Variants in SRP54 observed in about 807,000 individuals in gnomAD.
SRP54 encodes the protein signal recognition particle subunit SRP54.
In SRP54, 10 loss-of-function variants were observed where a neutral mutation model predicts 64.8. The ratio of observed to expected loss-of-function variants is 0.15; its 90% CI spans 0.10 to 0.26. SRP54 has a LOEUF of 0.26. Among genes scored for constraint, SRP54 ranks in the 10% least tolerant of loss-of-function variants. The pLI is 1.00. For synonymous variants in SRP54, 193 were observed against 185.6 expected (o/e 1.04, Z -0.32); for missense variants, 325 against 613.7 (o/e 0.53, Z 4.97).
chr14:35,023,478 A>G (rs1191813478), intron 14 of SRP54, among the ~76,000 whole-genome samples: 3 of 152,070 alleles, frequency 2.0e-5, no homozygotes, highest in African/African-American at 7.2e-5. Flanking sequence ...CATGTTGTCA[A>G]ATATTCTTCA....
rs1434226527 is a variant in SRP54 at position 34,996,801 on chromosome 14, T to C, written c.78+14T>C. 2.6e-6 allele frequency: 4 copies of C among 1,549,180 alleles called. No individual in the cohort carries two copies. Among genetic ancestry groups the C allele is most frequent in the Non-Finnish European group, 3.6e-6 (4 of 1,120,854 alleles). On this transcript the variant is annotated intron_variant, in intron 2 of 15. Transcript: ENST00000216774. ...ATCAATGAAGAGGTATGTAAAATAT[T>C]GTATGAAATATATATGATTGTATAT...
intron 14 of SRP54, among the ~76,000 whole-genome samples, chr14:35,023,648 G>T (rs953479041): frequency 2.6e-5 from 4 of 151,868 alleles, no homozygotes; most frequent in African/African-American, 9.7e-5. Context: ...TCCGGGTGTC[G>T]TGGGGTGTAC....
chr14:35,023,459 CTG>C (rs1021705457), intron 14 of SRP54, among the ~76,000 whole-genome samples: 1 of 151,978 alleles, frequency 6.6e-6, no homozygotes. Flanking sequence ...TATATCATAA[CTG>C]TTTTTCCATG....
intron 4 of SRP54, among the ~76,000 whole-genome samples, chr14:35,005,649 T>G (rs1594994102): frequency 6.6e-6 from 1 of 151,722 alleles, no homozygotes; most frequent in Non-Finnish European, 1.5e-5. Flanking sequence ...TCCTCCTTTG[T>G]CCCCCCGCTG....
rs923984473 is a variant in SRP54, at chr14:35,029,276, T to C, written c.*124T>C. The stretch of plus-strand genomic sequence containing the variant: ...TCTTGCTTATCATGCACTCTTTCCT[T>C]TTCTTCTCGCCCGCTTTTCCCCTCC... On this transcript the variant is annotated 3_prime_UTR_variant, in exon 16 of 16. Transcript: ENST00000216774. The C allele has an allele frequency of 3.0e-5, 18 of 604,702 alleles. No homozygotes were observed. Among genetic ancestry groups the C allele is most frequent in the Non-Finnish European group, 4.7e-5 (17 of 364,012 alleles). 37.5% of individuals were successfully genotyped at this position (604,702 alleles called of 1,614,324 possible).
Position 35,008,718 on chromosome 14 carries a change from G to A in SRP54, c.427+25G>A, listed in dbSNP as rs560746894. 2.5e-6 allele frequency: 4 copies of A among 1,604,186 alleles called. No individual in the cohort carries two copies. The East Asian group carries it at 8.9e-5, about 36-fold the overall frequency. ...GGTAATGTCTTGAAATTTGAAAATT[G>A]TTTTATATAATTTTTATTTTCAAGT... On this transcript the variant is annotated intron_variant, in intron 6 of 15. Coordinates refer to ENST00000216774, the MANE Select transcript of SRP54 (RefSeq NM_003136.4).
At chr14:34,983,671 A>G (rs777553724) in intron 1 of SRP54, among the ~76,000 whole-genome samples, 25 of 152,318 alleles carry the variant, frequency 1.6e-4, no homozygotes, top group Middle Eastern at 3.4e-3. Flanking sequence ...TCTCTGTACC[A>G]TTTGACGCTG....
At chr14:35,015,783 C>T (rs922985263) in intron 11 of SRP54, among the ~76,000 whole-genome samples, 6 of 152,198 alleles carry the variant, frequency 3.9e-5, no homozygotes, top group African/African-American at 1.4e-4. Flanking sequence ...ACTCATCTTA[C>T]CAGATAATTG....
chr14:35,020,796 T>C (rs750232809), intron 13 of SRP54, among the ~76,000 whole-genome samples: 2 of 152,236 alleles, frequency 1.3e-5, no homozygotes, highest in Non-Finnish European at 2.9e-5. Context: ...ATTCATTTTA[T>C]CATCATAACA....
At chr14:35,017,402 A>G (rs1049867399) in intron 11 of SRP54, among the ~76,000 whole-genome samples, 4 of 152,066 alleles carry the variant, frequency 2.6e-5, no homozygotes, top group Non-Finnish European at 5.9e-5. Context: ...TTCTGTTTTC[A>G]GACTCTAAGT....
intron 5 of SRP54, 24 bp downstream of exon 5, chr14:35,007,411 G>A: frequency 1.4e-6 from 2 of 1,476,908 alleles, no homozygotes; most frequent in Non-Finnish European, 1.9e-6. Context: ...AATTTAAAAA[G>A]AAGTCATATG....
intron 14 of SRP54, among the ~76,000 whole-genome samples, chr14:35,024,875 T>G (rs913099011): frequency 3.3e-5 from 5 of 151,998 alleles, no homozygotes; most frequent in Non-Finnish European, 7.4e-5. Context: ...TTCAAGCACG[T>G]GCCACCATGC....
intron 1 of SRP54, among the ~76,000 whole-genome samples, chr14:34,991,109 C>CTTTTTTT (rs71435838): frequency 1.3e-3 from 147 of 110,900 alleles, no homozygotes; most frequent in Non-Finnish European, 1.8e-3. Flanking sequence ...AATTTCTTTT[C>CTTTTTTT]TTTTTTTTTT....
chr14:34,999,606 G>C lies in SRP54; in HGVS notation c.127G>C (p.Asp43His). The change falls in exon 3 of 16, where the codon GAT (aspartate) becomes CAT (histidine). Residue 43 changes from aspartate to histidine, a missense_variant. By Grantham distance (81) the Asp-to-His change is moderately conservative (BLOSUM62 -1). This residue lies in a region of SRP54 where 156 missense variants were observed against 254.6 expected (regional missense o/e 0.61). Coordinates refer to ENST00000216774, the MANE Select transcript of SRP54 (RefSeq NM_003136.4). ...KEVCTALLEA[D>H]VNIKLVKQLR... The stretch of plus-strand genomic sequence containing the variant: ...AGTCTGTACCGCTTTGTTGGAAGCA[G>C]ATGTTAATATTAAACTAGTGAAGCA... The C allele has an allele frequency of 6.2e-7, 1 of 1,613,512 alleles. No individual in the cohort carries two copies. Among genetic ancestry groups the C allele is most frequent in the Non-Finnish European group, 8.5e-7 (1 of 1,179,626 alleles).
intron 1 of SRP54, chr14:34,993,507 C>T (rs2044015626): frequency 6.6e-6 from 1 of 151,714 alleles, no homozygotes; most frequent in Admixed American, 6.6e-5. Flanking sequence ...TTCTAAATTA[C>T]CAAATTGTAC....
At chr14:35,021,357 C>T (rs1595012925) in intron 13 of SRP54, among the ~76,000 whole-genome samples, 2 of 152,152 alleles carry the variant, frequency 1.3e-5, no homozygotes, top group Admixed American at 6.5e-5. Context: ...TGGCCAGGTG[C>T]GGTGGCTCTC....
chr14:35,022,294 C>T (rs972996454), intron 13 of SRP54, among the ~76,000 whole-genome samples: 2 of 151,762 alleles, frequency 1.3e-5, no homozygotes, highest in African/African-American at 4.8e-5. Flanking sequence ...AGGGAAAGTA[C>T]ATGTTTGTTT....
intron 4 of SRP54, among the ~76,000 whole-genome samples, chr14:35,002,030 G>A (rs1258016567): frequency 6.6e-6 from 1 of 150,900 alleles, no homozygotes; most frequent in Non-Finnish European, 1.5e-5. Context: ...GTGAGAACCA[G>A]TCTCTATAAA....
At chr14:34,986,105 G>A (rs911272904) in intron 1 of SRP54, among the ~76,000 whole-genome samples, 2 of 151,862 alleles carry the variant, frequency 1.3e-5, no homozygotes, top group Admixed American at 1.3e-4. Flanking sequence ...GTGTTCCTGA[G>A]TTATTACCTC....
Sources: allele counts gnomAD v4.1 joint callset (sites outside exome capture counted in the v4.1 genomes callset), GRCh38; gene constraint gnomAD v4.1.1; regional missense constraint gnomAD v4.1.1; transcripts MANE v1.5; gene names NCBI Gene and HGNC (gene_info 2026-07-23, HGNC 2026-07-21).